Variants in ADAR observed in about 807,000 individuals in gnomAD.
The protein encoded by ADAR is double-stranded RNA-specific adenosine deaminase.
A neutral mutation model predicts 113.2 loss-of-function variants in ADAR; 41 were observed. The observed-to-expected ratio is 0.36, with a 90% CI of 0.28 to 0.47. The LOEUF is 0.47. ADAR is among the 20% of genes least tolerant of loss of function. The pLI, the probability that ADAR is intolerant of heterozygous loss-of-function variation, is 1.00. For missense variants in ADAR, 1,242 were observed against 1,540.9 expected, an observed-to-expected ratio of 0.81 and a Z score of 3.25; for synonymous variants, 605 against 572.6, an observed-to-expected ratio of 1.06 and a Z score of -0.81.
At chr1:154,607,751 A>ACT (rs1309504493) in intron 1 of ADAR, among the ~76,000 whole-genome samples, 40 of 148,990 alleles carry the variant, frequency 2.7e-4, no homozygotes, top group African/African-American at 9.8e-4. Context: ...ACACACACAC[A>ACT]CTCTCACAAG....
At chr1:154,626,460 T>C (rs1698941141) in intron 1 of ADAR, among the ~76,000 whole-genome samples, 2 of 152,098 alleles carry the variant, frequency 1.3e-5, no homozygotes, top group African/African-American at 4.8e-5. Context: ...TTTAATGAAG[T>C]GTACAGCAGA....
chr1:154,627,199 C>T (rs937097681), intron 1 of ADAR, among the ~76,000 whole-genome samples: 23 of 152,308 alleles, frequency 1.5e-4, no homozygotes, highest in African/African-American at 5.3e-4. Context: ...GCCGGATTAC[C>T]CTCTAGTGGG....
Position 154,607,170 on chromosome 1 carries a change from GT to G in ADAR, c.15+821del, listed in dbSNP as rs200946484. On this transcript the variant is annotated intron_variant, in intron 1 of 14. Coordinates refer to ENST00000368474, the MANE Select transcript of ADAR (RefSeq NM_001111.5). Reference sequence around the variant, plus strand: ...TCCACTTTCCATCCCTATAACTGTGGTTTTTTTTTTCCAGAATGTCATATAA... The same window carrying G: ...TCCACTTTCCATCCCTATAACTGTGGTTTTTTTTTCCAGAATGTCATATAA... Among the ~76,000 whole-genome samples, 13 of 149,074 alleles carry G rather than the reference GT, an allele frequency of 8.7e-5. No homozygotes were observed. In the South Asian group the frequency reaches 1.5e-3, roughly 17 times the overall value.
At position 154,584,862 on chromosome 1, in the gene ADAR, CA is replaced by C. The variant is rs1376273366; in HGVS notation, c.3624del (p.Tyr1208Ter). On this transcript the variant is annotated frameshift_variant, in exon 15 of 15. Coordinates refer to ENST00000368474, the MANE Select transcript of ADAR (RefSeq NM_001111.5). LOFTEE classifies it high-confidence loss of function. Reference protein sequence around the residue: ...YFKKGLKDMGYGNWISKPQEE... With the variant: ...YFKKGLKDMGXGNWISKPQEE... ...TCCTGGGGTTTGCTAATCCAGTTCC[CA>C]TAGCCCATATCCTTCAGGCCTTTTT... 6.2e-7 allele frequency: 1 copy of C among 1,614,174 alleles called. No homozygotes were observed. The highest frequency in any genetic ancestry group is 1.1e-5 in the South Asian group (1 of 91,072).
Position 154,584,803 on chromosome 1 carries a change from A to G in ADAR, c.*3T>C, listed in dbSNP as rs748204293. 3 of 1,610,436 alleles carry G rather than the reference A, an allele frequency of 1.9e-6. No individual in the cohort carries two copies. The highest frequency in any genetic ancestry group is 8.5e-7 in the Non-Finnish European group (1 of 1,177,058). ...ACCCTAATCCATCTGTCACTGGAGC[A>G]TACTATACTGGGCAGAGATAAAAGT... On this transcript the variant is annotated 3_prime_UTR_variant, in exon 15 of 15. Coordinates refer to ENST00000368474, the MANE Select transcript of ADAR (RefSeq NM_001111.5).
chr1:154,586,523 G>A (rs1696774234), intron 11 of ADAR, among the ~76,000 whole-genome samples, 160 bp from the exon 12 acceptor site: 1 of 152,204 alleles, frequency 6.6e-6, no homozygotes, highest in Non-Finnish European at 1.5e-5. Flanking sequence ...CTTGGTGCTG[G>A]GAAAGAACGG....
Position 154,588,182 on chromosome 1 carries a change from G to C in ADAR, c.2962C>G (p.His988Asp). ...DRAMESTESR[H>D]YPVFENPKQG... The stretch of plus-strand genomic sequence containing the variant: ...TTGGGATTCTCGAAGACAGGGTAGT[G>C]GCGGGATTCTGTGCTTTCCATAGCA... The change falls in exon 11 of 15, where the codon CAC (histidine) becomes GAC (aspartate). Residue 988 changes from histidine to aspartate, a missense_variant. His to Asp is a moderately conservative substitution (Grantham distance 81). This residue lies in a region of ADAR where 780 missense variants were observed against 1,057.9 expected (regional missense o/e 0.74). Transcript: ENST00000368474. 1 of 1,614,072 alleles carries C rather than the reference G, an allele frequency of 6.2e-7. No homozygotes were observed. Among genetic ancestry groups the C allele is most frequent in the Non-Finnish European group, 8.5e-7 (1 of 1,179,978 alleles).
In ADAR at chr1:154,602,355, C is replaced by G. The variant is rs1159444304; in HGVS notation, c.287G>C (p.Gly96Ala). The change falls in exon 2 of 15, where the codon GGC becomes GCC. Residue 96 changes from glycine (G) to alanine (A), a missense_variant. By Grantham distance (60) the Gly-to-Ala change is moderately conservative (BLOSUM62 0). Transcript: ENST00000368474. ...RQVDIRGVPR[G>A]VHLRSQGLQR... ...GAGCCCCTGACTTCTGAGATGCACG[C>G]CCCTGGGGACACCCCTGATGTCCAC... The G allele has an allele frequency of 1.2e-6, 2 of 1,607,164 alleles. No individual in the cohort carries two copies.
chr1:154,618,736 T>C (rs1193832049), intron 1 of ADAR, among the ~76,000 whole-genome samples: 1 of 151,376 alleles, frequency 6.6e-6, no homozygotes, highest in Admixed American at 6.6e-5. Flanking sequence ...AAAAAAAGTC[T>C]AGAGTCTAGC....
intron 10 of ADAR, 110 bp downstream of exon 10, chr1:154,588,441 G>C: frequency 6.6e-7 from 1 of 1,520,820 alleles, no homozygotes; most frequent in African/African-American, 1.4e-5. Flanking sequence ...ACCCACAGTG[G>C]AGTGTGGCTT....
chr1:154,620,192 A>C (rs1698750547), intron 1 of ADAR, among the ~76,000 whole-genome samples: 1 of 152,190 alleles, frequency 6.6e-6, no homozygotes, highest in African/African-American at 2.4e-5. Flanking sequence ...GTGGACCACA[A>C]GGTCAGGAGT....
intron 1 of ADAR, among the ~76,000 whole-genome samples, chr1:154,613,276 A>G (rs2101684662): frequency 7.3e-6 from 1 of 137,562 alleles, no homozygotes; most frequent in South Asian, 2.3e-4. Flanking sequence ...AATGATCACA[A>G]ATGGCTTTTT....
At chr1:154,596,370 A>G in intron 6 of ADAR, among the ~76,000 whole-genome samples, 1 of 152,074 alleles carries the variant, frequency 6.6e-6, no homozygotes, top group Non-Finnish European at 1.5e-5. Context: ...CCTCCCGAGT[A>G]GCTGGGATTA....
chr1:154,602,767 G>A, intron 1 of ADAR, 141 bp from the exon 2 acceptor site: 1 of 1,055,198 alleles, frequency 9.5e-7, no homozygotes, highest in Non-Finnish European at 1.3e-6. Context: ...ACTTGGCTAG[G>A]GTGACTTGCC....
chr1:154,608,335 T>TC, upstream of ADAR: 1 of 378,044 alleles, frequency 2.6e-6, no homozygotes, highest in Non-Finnish European at 4.7e-6. Context: ...GGTACTTTTT[T>TC]TTTTTTTTTT....
At chr1:154,586,433 C>T (rs1696768582) in intron 11 of ADAR, 70 bp from the exon 12 acceptor site, 12 of 1,491,130 alleles carry the variant, frequency 8.0e-6, no homozygotes, top group Non-Finnish European at 1.1e-5. Flanking sequence ...TGGTTTCTAT[C>T]CTCCTTAAGC....
rs769562435 is a variant in ADAR at position 154,598,384 on chromosome 1, T to A, written c.1785+18A>T. 5 of 1,612,780 alleles carry A rather than the reference T, an allele frequency of 3.1e-6. No individual in the cohort carries two copies. The highest frequency in any genetic ancestry group is 3.4e-6 in the Non-Finnish European group (4 of 1,178,788). ...CTGACAGGGAACTGATCCTCCCAGA[T>A]GGCAGGAGGACACCTACCTTCTCTG... On this transcript the variant is annotated intron_variant, in intron 3 of 14. Transcript: ENST00000368474.
chr1:154,601,871 G>C lies in ADAR; in HGVS notation c.771C>G (p.Ser257Arg). Residue 257 changes from serine (S) to arginine (R), a missense_variant, in exon 2 of 15, where the codon AGC becomes AGG. Coordinates refer to ENST00000368474, the MANE Select transcript of ADAR (RefSeq NM_001111.5). The surrounding 1 kb of genome is among the most constrained non-coding windows in gnomAD (Gnocchi z 4.7). Reference sequence around the variant, plus strand: ...TATGACTGTCTGGTCTTACCACTCCGCTGTGCTGGTTCCAAGCCTGAGCTG... The same window carrying C: ...TATGACTGTCTGGTCTTACCACTCCCCTGTGCTGGTTCCAAGCCTGAGCTG... ...AVSAQAWNQH[S>R]GVVRPDSHSQ... The C allele has an allele frequency of 1.9e-6, 3 of 1,614,136 alleles. No homozygotes were observed. Among genetic ancestry groups the C allele is most frequent in the Non-Finnish European group, 2.5e-6 (3 of 1,180,026 alleles).
chr1:154,590,117 C>G, intron 7 of ADAR, 67 bp downstream of exon 7: 1 of 1,532,046 alleles, frequency 6.5e-7, no homozygotes. Context: ...CAGCAAGAGC[C>G]ACCTCCACTT....
Sources: gnomAD v4.1 joint callset for allele counts (sites outside exome capture counted in the v4.1 genomes callset) on GRCh38, gnomAD v4.1.1 for gene constraint, gnomAD v4.1.1 regional missense constraint, Gnocchi (gnomAD v3.1) non-coding constraint, MANE v1.5 for transcripts, NCBI Gene and HGNC (gene_info 2026-07-23, HGNC 2026-07-21) for gene names.